BCL6: variants seen among roughly 807,000 people sequenced by gnomAD.
The protein encoded by BCL6 is BCL6 transcription repressor, also known as B-cell lymphoma 6 protein.
BCL6 carries 7 observed loss-of-function variants against 59.5 expected under a neutral mutation model. The observed-to-expected ratio is 0.12, with a 90% CI of 0.07 to 0.22. The LOEUF (loss-of-function observed/expected upper bound fraction) is 0.22. Among genes scored for constraint, BCL6 ranks in the 10% least tolerant of loss-of-function variants. The pLI, the probability that BCL6 is intolerant of heterozygous loss-of-function variation, is 1.00. For synonymous variants in BCL6, 339 were observed against 349.7 expected, an observed-to-expected ratio of 0.97 and a Z score of 0.34; for missense variants, 685 against 939.4, an observed-to-expected ratio of 0.73 and a Z score of 3.54.
chr3:187,744,038 G>A (rs949154604), intron 1 of BCL6, among the ~76,000 whole-genome samples: 1 of 152,086 alleles, frequency 6.6e-6, no homozygotes, highest in South Asian at 2.1e-4. Context: ...CTTTCTCCTC[G>A]CCCAAGGTAA....
chr3:187,730,173 AT>A, intron 4 of BCL6, 152 bp from the exon 5 acceptor site: 1 of 1,166,370 alleles, frequency 8.6e-7, no homozygotes, highest in Non-Finnish European at 1.2e-6. Context: ...ATTACAACGC[AT>A]TTATGCTAGA....
At chr3:187,744,805 C>T (rs1711822685) in intron 1 of BCL6, among the ~76,000 whole-genome samples, 3 of 144,646 alleles carry the variant, frequency 2.1e-5, no homozygotes, top group Admixed American at 7.3e-5. Context: ...AGGCCAGGAG[C>T]GACGGAGCAA....
chr3:187,744,639 G>A (rs1711802245), intron 1 of BCL6, among the ~76,000 whole-genome samples: 1 of 152,136 alleles, frequency 6.6e-6, no homozygotes, highest in East Asian at 1.9e-4. Flanking sequence ...TCTCGGTTCG[G>A]CTCGAAGGCA....
At chr3:187,735,694 T>C (rs1378853039) in intron 1 of BCL6, among the ~76,000 whole-genome samples, 1 of 152,212 alleles carries the variant, frequency 6.6e-6, no homozygotes, top group Non-Finnish European at 1.5e-5. Context: ...GCACTAAACC[T>C]TGAAGAGATT....
At position 187,722,331 on chromosome 3, in the gene BCL6, C is replaced by CCCCCCCCCAAAA; in HGVS notation, c.*126_*127insTTTTGGGGGGGG. 1.2e-6 allele frequency: 1 copy of CCCCCCCCCAAAA among 864,906 alleles called. No individual in the cohort carries two copies. The highest frequency in any genetic ancestry group is 1.5e-6 in the Non-Finnish European group (1 of 658,094). 53.6% of individuals were successfully genotyped at this position (864,906 alleles called of 1,614,324 possible). ...CCCGACCCCCACCACCCCCAACCCC[C>CCCCCCCCCAAAA]AGCTATGATTTGCACTAGTGGATGA... is the stretch of plus-strand genomic sequence containing the variant. On this transcript the variant is annotated 3_prime_UTR_variant, in exon 10 of 10. Transcript: ENST00000406870.
rs1175705007 is a variant in BCL6 at position 187,726,908 on chromosome 3, G to C, written c.1541-10C>G. On this transcript the variant is annotated splice_polypyrimidine_tract_variant and intron_variant, in intron 6 of 9. Transcript: ENST00000406870. ...AAGAAGGCCCCGTTCTCTGTTGGAG[G>C]GTGGTAGGGGGACACCAAAGTCAGC... The C allele has an allele frequency of 6.2e-7, 1 of 1,613,744 alleles. No individual in the cohort carries two copies. The highest frequency in any genetic ancestry group is 1.3e-5 in the African/African-American group (1 of 75,040).
chr3:187,743,727 C>T (rs1439551126), intron 1 of BCL6, among the ~76,000 whole-genome samples: 1 of 151,066 alleles, frequency 6.6e-6, no homozygotes, highest in Admixed American at 6.6e-5. Context: ...CCTGCTGCCC[C>T]CCCGCCCTTT....
At position 187,725,118 on chromosome 3, in the gene BCL6, G is replaced by T. The variant is rs1459222659; in HGVS notation, c.1840-40C>A. The stretch of plus-strand genomic sequence containing the variant: ...AGGCATGAGAGGTCTTCTGGGGTGG[G>T]CTGCAGGCCTCTGGGCAGCCCCTCA... On this transcript the variant is annotated intron_variant, in intron 8 of 9. Transcript: ENST00000406870. The surrounding 1 kb of genome is among the most constrained non-coding windows in gnomAD (Gnocchi z 4.7). The T allele has an allele frequency of 6.2e-7, 1 of 1,612,028 alleles. No homozygotes were observed. Among genetic ancestry groups the T allele is most frequent in the Non-Finnish European group, 8.5e-7 (1 of 1,179,442 alleles).
intron 1 of BCL6, among the ~76,000 whole-genome samples, chr3:187,741,991 C>T (rs3774300): frequency 0.8 from 122,174 of 151,892 alleles, 49,230 homozygotes; most frequent in East Asian, 0.89. Flanking sequence ...AAAAAAAAAA[C>T]CTTAGAACCA....
Position 187,733,666 on chromosome 3 carries a change from G to A in BCL6, c.28C>T (p.Gln10Ter), listed in dbSNP as rs1403542460. The part of the protein sequence containing the change: MASPADSCI[Q>*]FTRHASDVLL... ...ACATCACTGGCATGGCGGGTGAACTGGATACAGCTGTCAGCCGGCGAGGCC... is the reference window on the plus strand; with the variant it reads ...ACATCACTGGCATGGCGGGTGAACTAGATACAGCTGTCAGCCGGCGAGGCC... The change falls in exon 3 of 10, where the codon CAG becomes TAG. Residue 10 changes from glutamine (Q) to a stop codon, truncating the protein, a stop_gained. Coordinates refer to ENST00000406870, the MANE Select transcript of BCL6 (RefSeq NM_001706.5). LOFTEE classifies it high-confidence loss of function. The A allele has an allele frequency of 6.2e-7, 1 of 1,614,018 alleles. No individual in the cohort carries two copies. Among genetic ancestry groups the A allele is most frequent in the African/African-American group, 1.3e-5 (1 of 74,912 alleles).
In BCL6 at chr3:187,734,906, A is replaced by T. The variant is rs1176692677; in HGVS notation, c.-48T>A. ...TTCACAGTCCAAAATTTTGCTCAAA[A>T]CCTACAGAGAAGAGAAGAAAGCAAA... On this transcript the variant is annotated splice_region_variant and 5_prime_UTR_variant, in exon 2 of 10. Coordinates refer to ENST00000406870, the MANE Select transcript of BCL6 (RefSeq NM_001706.5). 6.6e-6 allele frequency: 1 copy of T among 152,624 alleles called. No homozygotes were observed. The highest frequency in any genetic ancestry group is 1.9e-4 in the East Asian group (1 of 5,200). The allele number at this position is 152,624 out of a possible 1,614,324, so 9.5% of individuals were successfully genotyped here. A position where few individuals can be genotyped will look rare whatever the true frequency, so the allele number is the denominator to read the frequency against.
At chr3:187,734,454 T>C (rs1346803138) in intron 2 of BCL6, 1 of 152,530 alleles carries the variant, frequency 6.6e-6, no homozygotes, top group African/African-American at 2.4e-5. Flanking sequence ...GAAGTAGTAA[T>C]ACCTATGTGG....
intron 5 of BCL6, 141 bp from the exon 6 acceptor site, chr3:187,728,685 T>G (rs1269079048): frequency 1.2e-6 from 1 of 850,584 alleles, no homozygotes; most frequent in African/African-American, 1.8e-5. Flanking sequence ...TCCTCAAGTT[T>G]ATCTCCAAAC....
At chr3:187,734,030 C>T (rs781657205) in intron 2 of BCL6, among the ~76,000 whole-genome samples, 2 of 151,996 alleles carry the variant, frequency 1.3e-5, no homozygotes, top group Admixed American at 6.6e-5. Flanking sequence ...GGAGAGACAC[C>T]GTGTTTTTTG....
chr3:187,726,650 C>T lies in BCL6; in HGVS notation c.1708+81G>A, dbSNP rs542952542. The T allele has an allele frequency of 3.2e-6, 5 of 1,553,756 alleles. No individual in the cohort carries two copies. In the African/African-American group the frequency reaches 6.8e-5, roughly 21 times the overall value. On this transcript the variant is annotated intron_variant, in intron 7 of 9. Transcript: ENST00000406870. ...CTTGCCCCACCAGGTCTCCAGGCCC[C>T]ACACAGCTTTCTCTAGGATCCTCTC...
intron 3 of BCL6, chr3:187,732,292 C>A: frequency 2.6e-6 from 1 of 383,142 alleles, no homozygotes; most frequent in South Asian, 2.1e-5. Flanking sequence ...AGTAACTATT[C>A]TTAGTCTACC....
At chr3:187,728,979 A>G in intron 5 of BCL6, 71 bp downstream of exon 5, 1 of 1,498,710 alleles carries the variant, frequency 6.7e-7, no homozygotes, top group Non-Finnish European at 8.9e-7. Flanking sequence ...TTCAGGCAAG[A>G]AAAGAAGAAA....
intron 1 of BCL6, among the ~76,000 whole-genome samples, chr3:187,743,500 A>G (rs967050088): frequency 6.6e-6 from 1 of 152,134 alleles, no homozygotes; most frequent in African/African-American, 2.4e-5. Context: ...CCATCGTAGA[A>G]GGGAACACAA....
At chr3:187,744,812 G>A (rs116291615) in intron 1 of BCL6, among the ~76,000 whole-genome samples, 13 of 101,792 alleles carry the variant, frequency 1.3e-4, no homozygotes, top group East Asian at 1.2e-3. Flanking sequence ...GAGCGACGGA[G>A]CAAGGAAAGC....
Sources: allele counts gnomAD v4.1 joint callset (sites outside exome capture counted in the v4.1 genomes callset), GRCh38; gene constraint gnomAD v4.1.1; non-coding constraint Gnocchi (gnomAD v3.1); transcripts MANE v1.5; gene names NCBI Gene and HGNC (gene_info 2026-07-23, HGNC 2026-07-21).